The following MDGA2 variants were observed in gnomAD, a reference collection of about 807,000 sequenced individuals.
The protein encoded by MDGA2 is MAM domain-containing glycosylphosphatidylinositol anchor protein 2.
MDGA2 carries 40 observed loss-of-function variants against 117.8 expected under a neutral mutation model. That is an observed-to-expected ratio of 0.34 (90% CI 0.26 to 0.44). The LOEUF (loss-of-function observed/expected upper bound fraction) is 0.44. Ranked by LOEUF, MDGA2 falls within the 20% of genes least tolerant of loss-of-function variation. The probability of loss-of-function intolerance (pLI) is 1.00; values close to 1 mark genes in which losing one functional copy is unlikely to be tolerated. For missense variants in MDGA2, 1,123 were observed against 1,250.6 expected (o/e 0.90, Z 1.54); for synonymous variants, 452 against 439.0 (o/e 1.03, Z -0.37).
rs193289810 is a variant in MDGA2 at position 47,022,894 on chromosome 14, G to T, written c.1819+12117C>A. 8.7e-4 allele frequency among the ~76,000 whole-genome samples: 132 copies of T among 152,268 alleles called. 1 individual carries two copies. Among genetic ancestry groups the T allele is most frequent in the African/African-American group, 3.1e-3 (129 of 41,546 alleles). On this transcript the variant is annotated intron_variant, in intron 8 of 16. Coordinates refer to ENST00000399232, the MANE Select transcript of MDGA2 (RefSeq NM_001113498.3). ...GGATACCAAACTTTGAATCACAGGT[G>T]ATGAGTAGCCATAGAGAATTTCCAA...
intron 2 of MDGA2, among the ~76,000 whole-genome samples, chr14:47,276,775 T>C (rs1888324187): frequency 6.6e-6 from 1 of 152,222 alleles, no homozygotes; most frequent in South Asian, 2.1e-4. Context: ...ACACATCTTT[T>C]GTTCTTCCTC....
At chr14:47,010,782 T>G (rs971133804) in intron 8 of MDGA2, among the ~76,000 whole-genome samples, 4 of 152,100 alleles carry the variant, frequency 2.6e-5, no homozygotes, top group African/African-American at 9.6e-5. Context: ...ATATAAACAA[T>G]TGCATAGAAA....
intron 1 of MDGA2, among the ~76,000 whole-genome samples, chr14:47,470,370 G>T (rs550173196): frequency 1.3e-5 from 2 of 151,040 alleles, no homozygotes; most frequent in East Asian, 3.9e-4. Flanking sequence ...GCGGTGTTTG[G>T]TTTTCTGATC....
At chr14:47,141,294 A>C (rs1395188448) in intron 4 of MDGA2, among the ~76,000 whole-genome samples, 1 of 152,190 alleles carries the variant, frequency 6.6e-6, no homozygotes, top group African/African-American at 2.4e-5. Flanking sequence ...CTACTGTTGG[A>C]TAGATCCAAA....
chr14:47,216,354 G>A (rs887870373), intron 3 of MDGA2, among the ~76,000 whole-genome samples: 6 of 152,136 alleles, frequency 3.9e-5, no homozygotes, highest in Non-Finnish European at 5.9e-5. Flanking sequence ...ATTTTAGAAA[G>A]GTTATATAGT....
At chr14:47,176,290 A>G (rs1199939961) in intron 3 of MDGA2, among the ~76,000 whole-genome samples, 7 of 152,046 alleles carry the variant, frequency 4.6e-5, no homozygotes, top group African/African-American at 1.2e-4. Flanking sequence ...CACAGAAATG[A>G]AAAAAACTAC....
chr14:47,077,090 C>G (rs1269035463), intron 6 of MDGA2, among the ~76,000 whole-genome samples: 1 of 151,954 alleles, frequency 6.6e-6, no homozygotes, highest in Non-Finnish European at 1.5e-5. Flanking sequence ...AAGACCACAA[C>G]TTTAAACATT....
At chr14:47,551,322 A>G (rs1291207031) in intron 1 of MDGA2, among the ~76,000 whole-genome samples, 1 of 152,172 alleles carries the variant, frequency 6.6e-6, no homozygotes, top group Admixed American at 6.5e-5. Context: ...CTCAGAAATA[A>G]CTGAAGCCTG....
chr14:47,449,247 T>C (rs11850645), intron 1 of MDGA2, among the ~76,000 whole-genome samples: 5,951 of 152,180 alleles, frequency 0.039, 390 homozygotes, highest in African/African-American at 0.13. Flanking sequence ...GAGTATACTT[T>C]CATTTAAACA....
At chr14:47,599,890 A>T (rs1896614795) in intron 1 of MDGA2, among the ~76,000 whole-genome samples, 1 of 152,150 alleles carries the variant, frequency 6.6e-6, no homozygotes, top group Non-Finnish European at 1.5e-5. Context: ...ATATATACAA[A>T]TTAAAGATTT....
intron 2 of MDGA2, among the ~76,000 whole-genome samples, chr14:47,295,414 T>A (rs1264320404): frequency 6.6e-6 from 1 of 152,186 alleles, no homozygotes; most frequent in Admixed American, 6.5e-5. Flanking sequence ...AACTTCCTTT[T>A]AAAAACCGGT....
At chr14:47,332,551 C>T (rs1385260963) in intron 1 of MDGA2, among the ~76,000 whole-genome samples, 1 of 143,734 alleles carries the variant, frequency 7.0e-6, no homozygotes, top group African/African-American at 2.6e-5. Flanking sequence ...AGATGTAAAG[C>T]ACTTAAAAAA....
chr14:47,641,221 A>G (rs961127386), intron 1 of MDGA2, among the ~76,000 whole-genome samples: 2 of 152,080 alleles, frequency 1.3e-5, no homozygotes, highest in Admixed American at 6.6e-5. Context: ...CTTGCCAGGG[A>G]TACAGATCAT....
At position 47,618,813 on chromosome 14, in the gene MDGA2, A is replaced by G. The variant is rs548793159; in HGVS notation, c.280+55704T>C. Reference sequence around the variant, plus strand: ...ATAACACAGCTTTGGATCCATGCAGACTTGAGCTGAAATTCCAGTACCACA... The same window carrying G: ...ATAACACAGCTTTGGATCCATGCAGGCTTGAGCTGAAATTCCAGTACCACA... On this transcript the variant is annotated intron_variant, in intron 1 of 16. Transcript: ENST00000399232. Among the ~76,000 whole-genome samples the G allele has an allele frequency of 2.6e-4, 39 of 152,296 alleles. 1 individual carries two copies. In the South Asian group the frequency reaches 7.5e-3, roughly 29 times the overall value.
At chr14:47,011,456 G>A (rs1197994709) in intron 8 of MDGA2, among the ~76,000 whole-genome samples, 1 of 151,904 alleles carries the variant, frequency 6.6e-6, no homozygotes, top group Admixed American at 6.6e-5. Flanking sequence ...AGAAGCAAAA[G>A]TAACAAGTTC....
chr14:47,414,277 G>A (rs1357801238), intron 1 of MDGA2, among the ~76,000 whole-genome samples: 1 of 152,086 alleles, frequency 6.6e-6, no homozygotes, highest in Non-Finnish European at 1.5e-5. Flanking sequence ...TATAACCCAA[G>A]AGCCATGCTT....
intron 1 of MDGA2, among the ~76,000 whole-genome samples, chr14:47,382,487 A>G (rs1891658715): frequency 6.6e-6 from 1 of 152,146 alleles, no homozygotes; most frequent in African/African-American, 2.4e-5. Flanking sequence ...GAATCTACAA[A>G]TGACTTAAAC....
chr14:47,544,122 A>G (rs1895408842), intron 1 of MDGA2, among the ~76,000 whole-genome samples: 1 of 152,200 alleles, frequency 6.6e-6, no homozygotes, highest in Non-Finnish European at 1.5e-5. Context: ...TGAAATATAA[A>G]GACTATAGAA....
chr14:47,660,200 C>G (rs537855562), intron 1 of MDGA2, among the ~76,000 whole-genome samples: 2 of 152,262 alleles, frequency 1.3e-5, no homozygotes, highest in East Asian at 3.9e-4. Context: ...TCTAAAGACT[C>G]AATTGCCTCT....
Sources: gnomAD v4.1 joint callset for allele counts (sites outside exome capture counted in the v4.1 genomes callset) on GRCh38, gnomAD v4.1.1 for gene constraint, MANE v1.5 for transcripts, NCBI Gene and HGNC (gene_info 2026-07-23, HGNC 2026-07-21) for gene names.